The following SREBF1 variants were observed in gnomAD, a reference collection of about 807,000 sequenced individuals.
SREBF1 encodes sterol regulatory element-binding protein 1.
SREBF1 carries 45 observed loss-of-function variants against 100.1 expected under a neutral mutation model. That is an observed-to-expected ratio of 0.45 (90% CI 0.35 to 0.58). The LOEUF (loss-of-function observed/expected upper bound fraction) is 0.58. Among genes scored for constraint, SREBF1 ranks in the 20% least tolerant of loss-of-function variants. The probability of loss-of-function intolerance (pLI) is 0.00; values close to 1 mark genes in which losing one functional copy is unlikely to be tolerated. For synonymous variants in SREBF1, 657 were observed against 681.8 expected (o/e 0.96, Z 0.57); for missense variants, 1,324 against 1,539.4 (o/e 0.86, Z 2.34).
At position 17,812,546 on chromosome 17, in the gene SREBF1, A is replaced by T; in HGVS notation, c.*76T>A. ...CTCTTGCACTGCCTTCGGCCTTCAA[A>T]GCTTCGACGCAGGACAGAAGCTGCA... On this transcript the variant is annotated 3_prime_UTR_variant, in exon 19 of 19. Transcript: ENST00000261646. The T allele has an allele frequency of 6.9e-7, 1 of 1,457,086 alleles. No individual in the cohort carries two copies. The highest frequency in any genetic ancestry group is 9.4e-7 in the Non-Finnish European group (1 of 1,068,442). 90.3% of individuals were successfully genotyped at this position (1,457,086 alleles called of 1,614,324 possible).
chr17:17,822,142 G>A (rs1479273245), intron 1 of SREBF1, among the ~76,000 whole-genome samples: 1 of 152,242 alleles, frequency 6.6e-6, no homozygotes, highest in Non-Finnish European at 1.5e-5. Context: ...CTGAGGCTCA[G>A]GGAGGACCAC....
At chr17:17,827,422 T>C (rs2034559223) in intron 1 of SREBF1, among the ~76,000 whole-genome samples, 1 of 152,196 alleles carries the variant, frequency 6.6e-6, no homozygotes, top group South Asian at 2.1e-4. Context: ...AGGGTGAGGA[T>C]GGGTGCCCAC....
chr17:17,815,164 TA>T, intron 13 of SREBF1, 56 bp downstream of exon 13: 1 of 1,517,364 alleles, frequency 6.6e-7, no homozygotes, highest in South Asian at 1.1e-5. Context: ...AGGCCAGAGC[TA>T]TTCTCAGAAT....
chr17:17,831,907 G>A (rs920528437), intron 1 of SREBF1, among the ~76,000 whole-genome samples: 7 of 152,202 alleles, frequency 4.6e-5, no homozygotes, highest in African/African-American at 1.4e-4. Context: ...CAGCAGGACC[G>A]GATGGGGCCC....
chr17:17,818,956 CT>C (rs1219237643), intron 5 of SREBF1, 56 bp downstream of exon 5: 13 of 1,584,674 alleles, frequency 8.2e-6, no homozygotes, highest in South Asian at 4.4e-5. Context: ...CCAGTTGCCC[CT>C]GATCTGTTCC....
intron 18 of SREBF1, 118 bp downstream of exon 18, chr17:17,813,250 T>C: frequency 9.0e-7 from 1 of 1,108,704 alleles, no homozygotes; most frequent in Non-Finnish European, 1.3e-6. Flanking sequence ...TGTGAGCCAC[T>C]GCGCCAGGCC....
chr17:17,814,824 C>T lies in SREBF1; in HGVS notation c.2602+11G>A, dbSNP rs779777187. ...CTGAGAAGGGAGCCAGGACAGGGGC[C>T]GGGGACTCACCGGTGGTGGTGGCCA... On this transcript the variant is annotated intron_variant, in intron 14 of 18. Coordinates refer to ENST00000261646, the MANE Select transcript of SREBF1 (RefSeq NM_004176.5). 1.4e-5 allele frequency: 23 copies of T among 1,600,836 alleles called. No individual in the cohort carries two copies. The African/African-American group carries it at 1.6e-4, about 11-fold the overall frequency.
chr17:17,821,758 G>T (rs773840096), intron 1 of SREBF1, among the ~76,000 whole-genome samples: 1 of 152,130 alleles, frequency 6.6e-6, no homozygotes, highest in Non-Finnish European at 1.5e-5. Context: ...TGGCAGACAG[G>T]GAAGTCCCCC....
intron 10 of SREBF1, 22 bp downstream of exon 10, chr17:17,816,435 C>T (rs2033595958): frequency 1.9e-6 from 3 of 1,603,232 alleles, no homozygotes; most frequent in Non-Finnish European, 2.6e-6. Context: ...CACCTCGGAG[C>T]CCGCCCCACG....
intron 1 of SREBF1, among the ~76,000 whole-genome samples, chr17:17,834,329 C>T (rs1191353246): frequency 6.6e-6 from 1 of 152,198 alleles, no homozygotes; most frequent in African/African-American, 2.4e-5. Context: ...GGACACAAGT[C>T]ATCCTCTTGC....
chr17:17,817,978 C>G lies in SREBF1; in HGVS notation c.1184-62G>C. 6.5e-7 allele frequency: 1 copy of G among 1,548,562 alleles called. No individual in the cohort carries two copies. Among genetic ancestry groups the G allele is most frequent in the Non-Finnish European group, 8.8e-7 (1 of 1,133,842 alleles). Reference sequence around the variant, plus strand: ...TGGATATGTGACCCCAAATCAGAGCCTAGGCCCTTGGAGGCCTAGGGACTA... The same window carrying G: ...TGGATATGTGACCCCAAATCAGAGCGTAGGCCCTTGGAGGCCTAGGGACTA... On this transcript the variant is annotated intron_variant, in intron 6 of 18. Transcript: ENST00000261646. The surrounding 1 kb of genome is among the most constrained non-coding windows in gnomAD (Gnocchi z 6.6).
chr17:17,818,280 C>A lies in SREBF1; in HGVS notation c.1163G>T (p.Arg388Leu). Reference protein sequence around the residue: ...QKLKQENLSLRTAVHKSKSLK... With the variant: ...QKLKQENLSLLTAVHKSKSLK... Reference sequence around the variant, plus strand: ...CTCACTGCTTTTGTGGACAGCAGTGCGCAGACTTAGGTTCTCCTGCTTGAG... The same window carrying A: ...CTCACTGCTTTTGTGGACAGCAGTGAGCAGACTTAGGTTCTCCTGCTTGAG... Residue 388 changes from arginine (R) to leucine (L), a missense_variant, in exon 6 of 19, where the codon CGC (arginine) becomes CTC (leucine). Arg to Leu is a moderately radical substitution (Grantham distance 102). Transcript: ENST00000261646. 1.2e-6 allele frequency: 2 copies of A among 1,613,924 alleles called. No homozygotes were observed. The highest frequency in any genetic ancestry group is 1.7e-6 in the Non-Finnish European group (2 of 1,179,984).
At chr17:17,822,579 C>T (rs1249894256) in intron 1 of SREBF1, among the ~76,000 whole-genome samples, 1 of 152,242 alleles carries the variant, frequency 6.6e-6, no homozygotes, top group Non-Finnish European at 1.5e-5. Flanking sequence ...GCCCTCTAAC[C>T]CACTCGTGGT....
chr17:17,813,261 TGTCTGTCCC>T, intron 18 of SREBF1, 98 bp downstream of exon 18: 7 of 1,200,108 alleles, frequency 5.8e-6, no homozygotes, highest in Non-Finnish European at 8.3e-6. Flanking sequence ...GCGCCAGGCC[TGTCTGTCCC>T]GTCTGACACA....
At chr17:17,828,667 G>A (rs117599491) in intron 1 of SREBF1, among the ~76,000 whole-genome samples, 4,471 of 152,298 alleles carry the variant, frequency 0.029, 83 homozygotes, top group Middle Eastern at 0.075. Context: ...TGTAATAACA[G>A]CACTTTGGGA....
In SREBF1 at chr17:17,816,504, C is replaced by T. The variant is rs765101236; in HGVS notation, c.2000G>A (p.Arg667Gln). The change falls in exon 10 of 19, where the codon CGA (arginine) becomes CAA (glutamine). Residue 667 changes from arginine (R) to glutamine (Q), a missense_variant. Transcript: ENST00000261646. Reference sequence around the variant, plus strand: ...CTTATGGTAGACCAGGGCTGCGTCTCGGGCGCTGGCGCTAGCATCCACTCG... The same window carrying T: ...CTTATGGTAGACCAGGGCTGCGTCTTGGGCGCTGGCGCTAGCATCCACTCG... Reference protein sequence around the residue: ...ALRVDASASARDAALVYHKLH... With the variant: ...ALRVDASASAQDAALVYHKLH... 8 of 1,603,214 alleles carry T rather than the reference C, an allele frequency of 5.0e-6. No homozygotes were observed. The highest frequency in any genetic ancestry group is 6.0e-6 in the Non-Finnish European group (7 of 1,175,904).
At position 17,812,610 on chromosome 17, in the gene SREBF1, G is replaced by T; in HGVS notation, c.*12C>A. 1.3e-6 allele frequency: 2 copies of T among 1,590,818 alleles called. No homozygotes were observed. The highest frequency in any genetic ancestry group is 4.6e-5 in the East Asian group (2 of 43,652). On this transcript the variant is annotated 3_prime_UTR_variant, in exon 19 of 19. Transcript: ENST00000261646. Reference sequence around the variant, plus strand: ...GCTAGAGACAGGGGTGCTGAGGCCGGGGACACGGGGTCTAGCTGGAAGTGA... The same window carrying T: ...GCTAGAGACAGGGGTGCTGAGGCCGTGGACACGGGGTCTAGCTGGAAGTGA...
chr17:17,815,807 C>T, intron 12 of SREBF1, 53 bp downstream of exon 12: 1 of 1,562,366 alleles, frequency 6.4e-7, no homozygotes, highest in Non-Finnish European at 8.7e-7. Context: ...AGGGACAGGA[C>T]AGGAATGAGG....
Position 17,817,301 on chromosome 17 carries a change from CGCTG to C in SREBF1, c.1557_1560del (p.Val521ThrfsTer176), listed in dbSNP as rs1567967358. The C allele has an allele frequency of 6.2e-7, 1 of 1,607,294 alleles. No homozygotes were observed. Among genetic ancestry groups the C allele is most frequent in the Non-Finnish European group, 8.5e-7 (1 of 1,177,834 alleles). ...ACGTTGCGCCCAGGGCTATGGTAGA[CGCTG>C]GTGGTATCTGAGGGGCTGGGAAGCC... is the stretch of plus-strand genomic sequence containing the variant. On this transcript the variant is annotated frameshift_variant, in exon 8 of 19. Coordinates refer to ENST00000261646, the MANE Select transcript of SREBF1 (RefSeq NM_004176.5). LOFTEE classifies it high-confidence loss of function. The surrounding 1 kb of genome is among the most constrained non-coding windows in gnomAD (Gnocchi z 6.6).
Sources: gnomAD v4.1 joint callset for allele counts (sites outside exome capture counted in the v4.1 genomes callset) on GRCh38, gnomAD v4.1.1 for gene constraint, Gnocchi (gnomAD v3.1) non-coding constraint, MANE v1.5 for transcripts, NCBI Gene and HGNC (gene_info 2026-07-23, HGNC 2026-07-21) for gene names.